UBE3B: variants seen among roughly 807,000 people sequenced by gnomAD.
UBE3B encodes ubiquitin-protein ligase E3B.
Under a neutral mutation model 132.3 loss-of-function variants are expected in UBE3B, and 80 were observed. The ratio of observed to expected loss-of-function variants is 0.60; its 90% confidence interval spans 0.50 to 0.73. The LOEUF (loss-of-function observed/expected upper bound fraction) is 0.73. Among genes scored for constraint, UBE3B ranks in the 30% least tolerant of loss-of-function variants. The pLI, the probability that UBE3B is intolerant of heterozygous loss-of-function variation, is 0.00. For synonymous variants in UBE3B, 487 were observed against 520.4 expected (o/e 0.94, Z 0.87); for missense variants, 1,196 against 1,362.5 (o/e 0.88, Z 1.92).
intron 6 of UBE3B, among the ~76,000 whole-genome samples, chr12:109,487,585 A>G (rs535339398): frequency 1.3e-5 from 2 of 152,322 alleles, no homozygotes; most frequent in African/African-American, 2.4e-5. Flanking sequence ...CTTAGGGCCA[A>G]GTGAGCAGGG....
rs368537073 is a variant in UBE3B at position 109,491,244 on chromosome 12, T to C, written c.713+117T>C. 1.4e-5 allele frequency: 12 copies of C among 882,642 alleles called. 1 individual carries two copies. The Middle Eastern group carries it at 7.0e-4, about 51-fold the overall frequency. 54.7% of individuals were successfully genotyped at this position (882,642 alleles called of 1,614,324 possible). On this transcript the variant is annotated intron_variant, in intron 9 of 27. Coordinates refer to ENST00000342494, the MANE Select transcript of UBE3B (RefSeq NM_130466.4). ...GACTTGCCCATTTTGTCAGAATTTA[T>C]GGGAAGCATTGTTCTTAATGAAAGT...
intron 26 of UBE3B, among the ~76,000 whole-genome samples, chr12:109,531,602 C>A (rs1194414778): frequency 6.6e-6 from 1 of 152,104 alleles, no homozygotes; most frequent in East Asian, 1.9e-4. Flanking sequence ...AGCTGGTTTC[C>A]TCTCTCCTGG....
At position 109,483,527 on chromosome 12, in the gene UBE3B, G is replaced by T; in HGVS notation, c.-21-4G>T. On this transcript the variant is annotated splice_region_variant and splice_polypyrimidine_tract_variant and intron_variant, in intron 2 of 27. Transcript: ENST00000342494. ...CAACACCCACTTGCCCATTTTCCTT[G>T]CAGGGTTTGTGCAAGTTTGCAAACA... The T allele has an allele frequency of 2.0e-6, 3 of 1,533,644 alleles. No homozygotes were observed. Among genetic ancestry groups the T allele is most frequent in the Non-Finnish European group, 2.6e-6 (3 of 1,143,128 alleles).
At chr12:109,484,331 C>G (rs1460968471) in intron 4 of UBE3B, among the ~76,000 whole-genome samples, 3 of 152,224 alleles carry the variant, frequency 2.0e-5, no homozygotes, top group Non-Finnish European at 4.4e-5. Context: ...AAAGGAGTAG[C>G]AGGGTCTGTG....
intron 4 of UBE3B, 124 bp downstream of exon 4, chr12:109,484,105 C>T: frequency 9.4e-7 from 1 of 1,064,718 alleles, no homozygotes; most frequent in Non-Finnish European, 1.3e-6. Flanking sequence ...CATCCTGTCC[C>T]TTTTGTTTTC....
intron 24 of UBE3B, chr12:109,528,611 T>C (rs1258609379): frequency 5.3e-6 from 3 of 562,982 alleles, no homozygotes; most frequent in African/African-American, 4.1e-5. Context: ...CCCAGCACTT[T>C]GGGAGGCCAA....
At chr12:109,481,256 T>C (rs1005516566) in intron 1 of UBE3B, among the ~76,000 whole-genome samples, 3 of 150,838 alleles carry the variant, frequency 2.0e-5, no homozygotes, top group South Asian at 2.1e-4. Context: ...GCAGAAGTTA[T>C]AGTGAGCTGA....
chr12:109,480,244 C>T (rs543706827), intron 1 of UBE3B, among the ~76,000 whole-genome samples: 4 of 151,132 alleles, frequency 2.6e-5, no homozygotes, highest in South Asian at 2.1e-4. Context: ...AGTTAGACTT[C>T]CTGACTATAC....
intron 19 of UBE3B, among the ~76,000 whole-genome samples, chr12:109,518,729 C>A (rs1168250615): frequency 6.6e-6 from 1 of 152,240 alleles, no homozygotes; most frequent in Non-Finnish European, 1.5e-5. Context: ...ATTCACTTGA[C>A]ATCCCAGTTA....
intron 8 of UBE3B, chr12:109,490,457 A>G: frequency 6.5e-7 from 1 of 1,534,922 alleles, no homozygotes; most frequent in Non-Finnish European, 8.7e-7. Context: ...GAGTTTGAGA[A>G]GTAATGTTGA....
chr12:109,497,946 C>T, intron 10 of UBE3B, 23 bp downstream of exon 10: 1 of 1,608,982 alleles, frequency 6.2e-7, no homozygotes, highest in Non-Finnish European at 8.5e-7. Flanking sequence ...TGTGAGTTCC[C>T]CGTGAAAACC....
rs778493484 is a variant in UBE3B, at chr12:109,499,735, A to G, written c.1043A>G (p.Tyr348Cys). The change falls in exon 12 of 28, where the codon TAT (tyrosine) becomes TGT (cysteine). Residue 348 changes from tyrosine to cysteine, a missense_variant. Physicochemically the swap from Tyr to Cys is radical, Grantham distance 194 (BLOSUM62 -2). Transcript: ENST00000342494. Reference sequence around the variant, plus strand: ...CAGACGCTGTGCTACTGTCGGAAGTATGTGTCTCAGAAGAAGTCCAACCTG... The same window carrying G: ...CAGACGCTGTGCTACTGTCGGAAGTGTGTGTCTCAGAAGAAGTCCAACCTG... ...LTQTLCYCRK[Y>C]VSQKKSNLTH... 6.2e-7 allele frequency: 1 copy of G among 1,613,186 alleles called. No individual in the cohort carries two copies. The highest frequency in any genetic ancestry group is 8.5e-7 in the Non-Finnish European group (1 of 1,179,506).
At chr12:109,511,372 C>A in intron 18 of UBE3B, 69 bp downstream of exon 18, 1 of 1,416,736 alleles carries the variant, frequency 7.1e-7, no homozygotes, top group South Asian at 1.2e-5. Context: ...GCCTTTCCAT[C>A]CTTGCTATGG....
At position 109,523,988 on chromosome 12, in the gene UBE3B, T is replaced by C; in HGVS notation, c.2375T>C (p.Val792Ala). 1 of 1,613,998 alleles carries C rather than the reference T, an allele frequency of 6.2e-7. No individual in the cohort carries two copies. Among genetic ancestry groups the C allele is most frequent in the Non-Finnish European group, 8.5e-7 (1 of 1,180,028 alleles). ...TCTCTGCTCTCCCAGGGAATTGTGG[T>C]GGACGTGCCATTTGCATCCTTCTTC... ...LGKAVYEGIVVDVPFASFFLS... is the reference protein window; with the variant it reads ...LGKAVYEGIVADVPFASFFLS... The change falls in exon 22 of 28, where the codon GTG becomes GCG. Residue 792 changes from valine (V) to alanine (A), a missense_variant. Physicochemically the swap from Val to Ala is moderately conservative, Grantham distance 64. Transcript: ENST00000342494.
chr12:109,514,789 C>T (rs112193946), intron 18 of UBE3B, among the ~76,000 whole-genome samples: 1,991 of 152,138 alleles, frequency 0.013, 34 homozygotes, highest in African/African-American at 0.041. Flanking sequence ...GGCCCTGGAA[C>T]CTCTCAGGGC....
chr12:109,493,634 A>T (rs767918868), intron 9 of UBE3B, among the ~76,000 whole-genome samples: 4 of 152,240 alleles, frequency 2.6e-5, no homozygotes, highest in Non-Finnish European at 5.9e-5. Context: ...GAACACAATC[A>T]GGACCTTTTA....
chr12:109,506,336 GTTTTGTTTTTGT>G (rs60352001), intron 14 of UBE3B, among the ~76,000 whole-genome samples: 7 of 152,118 alleles, frequency 4.6e-5, no homozygotes, highest in South Asian at 2.1e-4. Flanking sequence ...ACCCAAATCT[GTTTTGTTTTTGT>G]TTTTGTTTTT....
chr12:109,490,028 G>C (rs759826641), intron 8 of UBE3B, 24 bp downstream of exon 8: 1 of 1,608,984 alleles, frequency 6.2e-7, no homozygotes, highest in East Asian at 2.2e-5. Context: ...GCCCCCCAGT[G>C]TGCAACTTCT....
intron 2 of UBE3B, among the ~76,000 whole-genome samples, chr12:109,482,683 C>CG (rs1566069135): frequency 1.3e-5 from 2 of 150,170 alleles, no homozygotes. Flanking sequence ...TGGGAGCCTC[C>CG]GGGGGTCAGT....
Sources: allele counts gnomAD v4.1 joint callset (sites outside exome capture counted in the v4.1 genomes callset), GRCh38; gene constraint gnomAD v4.1.1; transcripts MANE v1.5; gene names NCBI Gene and HGNC (gene_info 2026-07-23, HGNC 2026-07-21).